The following LRP8 variants were observed in gnomAD, a reference collection of about 807,000 sequenced individuals.
LRP8 encodes the protein LDL receptor related protein 8.
In LRP8, 46 loss-of-function variants were observed where a neutral mutation model predicts 111.6. That is an observed-to-expected ratio of 0.41 (90% CI 0.33 to 0.53). LRP8 has a LOEUF of 0.53. Ranked by LOEUF, LRP8 falls within the 20% of genes least tolerant of loss-of-function variation. The pLI, the probability that LRP8 is intolerant of heterozygous loss-of-function variation, is 0.20. For missense variants in LRP8, 959 were observed against 1,297.4 expected, an observed-to-expected ratio of 0.74 and a Z score of 4.01; for synonymous variants, 464 against 511.2, an observed-to-expected ratio of 0.91 and a Z score of 1.24.
chr1:53,290,239 G>T (rs1288509), intron 2 of LRP8, among the ~76,000 whole-genome samples: 2 of 151,890 alleles, frequency 1.3e-5, no homozygotes, highest in African/African-American at 4.8e-5. Context: ...CCTGCCCCCC[G>T]GTGCCTACAG....
Position 53,326,999 on chromosome 1 carries a change from G to C in LRP8, c.125-7C>G, listed in dbSNP as rs778392321. The C allele has an allele frequency of 6.2e-7, 1 of 1,611,620 alleles. No individual in the cohort carries two copies. Among genetic ancestry groups the C allele is most frequent in the Non-Finnish European group, 8.5e-7 (1 of 1,179,578 alleles). ...TCGCAATCCTTGGCCGGCCCTGCGA[G>C]GGGGAGGGAGCGTGAGCTGGATCAG... On this transcript the variant is annotated splice_polypyrimidine_tract_variant and splice_region_variant and intron_variant, in intron 1 of 18. Transcript: ENST00000306052.
rs1645872471 is a variant in LRP8, at chr1:53,250,804, C to A, written c.2562G>T (p.Lys854Asn). 3 of 1,614,100 alleles carry A rather than the reference C, an allele frequency of 1.9e-6. No homozygotes were observed. The highest frequency in any genetic ancestry group is 2.5e-6 in the Non-Finnish European group (3 of 1,180,008). Reference protein sequence around the residue: ...GYLIWRNWKRKNTKSMNFDNP... With the variant: ...GYLIWRNWKRNNTKSMNFDNP... ...TGTCAAAATTCATGCTTTTGGTGTT[C>A]TTCCGCTTCCAGTTTCTCCAGATCA... is the stretch of plus-strand genomic sequence containing the variant. Residue 854 changes from lysine (K) to asparagine (N), a missense_variant, in exon 17 of 19, where the codon AAG becomes AAT. Physicochemically the swap from Lys to Asn is moderately conservative, Grantham distance 94. Coordinates refer to ENST00000306052, the MANE Select transcript of LRP8 (RefSeq NM_004631.5). This position sits in a 1 kb window ranked among gnomAD's most constrained non-coding sequence, Gnocchi z 4.6.
rs1009307427 is a variant in LRP8, at chr1:53,243,502, A to G, written c.*3516T>C. 2.6e-5 allele frequency: 4 copies of G among 152,218 alleles called. No homozygotes were observed. Among genetic ancestry groups the G allele is most frequent in the African/African-American group, 7.2e-5 (3 of 41,452 alleles). The allele number at this position is 152,218 out of a possible 1,614,324, so 9.4% of individuals were successfully genotyped here. A position where few individuals can be genotyped will look rare whatever the true frequency, so the allele number is the denominator to read the frequency against. On this transcript the variant is annotated 3_prime_UTR_variant, in exon 19 of 19. Transcript: ENST00000306052. Reference sequence around the variant, plus strand: ...AAAGTGCTGGCAATGCATCCTAATGAATTTTCCATGATGCATGTAGTGCCT... The same window carrying G: ...AAAGTGCTGGCAATGCATCCTAATGGATTTTCCATGATGCATGTAGTGCCT...
chr1:53,281,030 T>G (rs1321168327), intron 3 of LRP8, among the ~76,000 whole-genome samples: 1 of 152,202 alleles, frequency 6.6e-6, no homozygotes, highest in Non-Finnish European at 1.5e-5. Flanking sequence ...ACCTCCACTT[T>G]AAGTTCTGGC....
intron 2 of LRP8, among the ~76,000 whole-genome samples, chr1:53,295,568 GC>G (rs1343328423): frequency 6.6e-6 from 1 of 152,248 alleles, no homozygotes; most frequent in Admixed American, 6.5e-5. Flanking sequence ...ATTTCGTGAG[GC>G]CATGCAAGAC....
intron 2 of LRP8, among the ~76,000 whole-genome samples, chr1:53,315,493 G>A (rs748557925): frequency 2.6e-5 from 4 of 152,236 alleles, no homozygotes; most frequent in Non-Finnish European, 5.9e-5. Context: ...TCCAGATGAG[G>A]CAGGTGCTCA....
At chr1:53,311,167 C>G (rs997437591) in intron 2 of LRP8, among the ~76,000 whole-genome samples, 2 of 152,152 alleles carry the variant, frequency 1.3e-5, no homozygotes, top group African/African-American at 4.8e-5. Context: ...CATCACAGCT[C>G]AGGGCCAGTC....
In LRP8 at chr1:53,246,885, T is replaced by A. The variant is rs915964582; in HGVS notation, c.*133A>T. ...TGGTTACCTTTCCGCAACATAAATT[T>A]AAAAAAAAAATCACACACACACATA... On this transcript the variant is annotated 3_prime_UTR_variant, in exon 19 of 19. Coordinates refer to ENST00000306052, the MANE Select transcript of LRP8 (RefSeq NM_004631.5). 8.3e-5 allele frequency: 59 copies of A among 707,974 alleles called. No individual in the cohort carries two copies. Among genetic ancestry groups the A allele is most frequent in the East Asian group, 4.7e-4 (14 of 29,982 alleles). The allele number at this position is 707,974 out of a possible 1,614,324, so 43.9% of individuals were successfully genotyped here. A position where few individuals can be genotyped will look rare whatever the true frequency, so the allele number is the denominator to read the frequency against.
chr1:53,302,715 G>A (rs1050056187), intron 2 of LRP8, among the ~76,000 whole-genome samples: 1 of 148,308 alleles, frequency 6.7e-6, no homozygotes, highest in Non-Finnish European at 1.5e-5. Context: ...TTTTTTTGGA[G>A]ACAGGGTTTC....
At chr1:53,285,690 T>C (rs1237385810) in intron 3 of LRP8, among the ~76,000 whole-genome samples, 2 of 152,208 alleles carry the variant, frequency 1.3e-5, no homozygotes, top group East Asian at 3.8e-4. Context: ...GGGACGTGCC[T>C]GTTGTCACCA....
At chr1:53,285,637 C>A (rs989848550) in intron 3 of LRP8, among the ~76,000 whole-genome samples, 3 of 152,342 alleles carry the variant, frequency 2.0e-5, no homozygotes, top group South Asian at 2.1e-4. Flanking sequence ...TCAGAAAACA[C>A]TTGCCCTTGT....
intron 6 of LRP8, chr1:53,274,783 C>T (rs1572508830): frequency 2.2e-6 from 1 of 456,344 alleles, no homozygotes; most frequent in South Asian, 1.5e-5. Flanking sequence ...GCTTGCCACT[C>T]TTACACTGAA....
At chr1:53,263,130 G>A (rs777933747) in intron 10 of LRP8, among the ~76,000 whole-genome samples, 15 of 152,218 alleles carry the variant, frequency 9.9e-5, no homozygotes, top group Non-Finnish European at 1.6e-4. Flanking sequence ...ATTGGGGTTG[G>A]GCTGGGTGTA....
At chr1:53,272,728 T>C (rs138032564) in intron 6 of LRP8, 56,491 of 1,241,692 alleles carry the variant, frequency 0.045, 1,463 homozygotes, top group Non-Finnish European at 0.052. Flanking sequence ...CCTCAGACCC[T>C]TGGAGGTGGG....
At position 53,279,011 on chromosome 1, in the gene LRP8, G is replaced by A. The variant is rs1461483286; in HGVS notation, c.496+1576C>T. Among the ~76,000 whole-genome samples the A allele has an allele frequency of 2.0e-5, 3 of 150,312 alleles. No individual in the cohort carries two copies. Among genetic ancestry groups the A allele is most frequent in the Non-Finnish European group, 4.4e-5 (3 of 67,766 alleles). ...CCTGACCTCGTGATCCTCCTGCCTC[G>A]GCCTCCCAAAGTGCTGGGATTACAG... On this transcript the variant is annotated intron_variant, in intron 4 of 18. Transcript: ENST00000306052. The surrounding 1 kb of genome is among the most constrained non-coding windows in gnomAD (Gnocchi z 4.4).
intron 18 of LRP8, among the ~76,000 whole-genome samples, chr1:53,247,506 C>T (rs1324178787): frequency 6.6e-6 from 1 of 152,188 alleles, no homozygotes; most frequent in African/African-American, 2.4e-5. Flanking sequence ...TAATATACTG[C>T]ACCTTCCCAA....
At chr1:53,259,025 C>T (rs1291136027) in intron 13 of LRP8, among the ~76,000 whole-genome samples, 2 of 152,228 alleles carry the variant, frequency 1.3e-5, no homozygotes, top group Non-Finnish European at 2.9e-5. Context: ...ATATATGCCA[C>T]ACTTTCTTTA....
chr1:53,269,342 G>T (rs942972630), intron 8 of LRP8, among the ~76,000 whole-genome samples: 4 of 151,230 alleles, frequency 2.6e-5, no homozygotes, highest in African/African-American at 9.7e-5. Flanking sequence ...TTTAGAAAAG[G>T]TCTCACTCTG....
At position 53,276,846 on chromosome 1, in the gene LRP8, C is replaced by T. The variant is rs1342020129; in HGVS notation, c.729G>A (p.Glu243=). 5.3e-6 allele frequency: 7 copies of T among 1,309,908 alleles called. No individual in the cohort carries two copies. Among genetic ancestry groups the T allele is most frequent in the Non-Finnish European group, 6.8e-6 (7 of 1,028,838 alleles). 81.1% of individuals were successfully genotyped at this position (1,309,908 alleles called of 1,614,324 possible). The change falls in exon 5 of 19, where the codon GAG becomes GAA. Residue 243 remains glutamate, a synonymous_variant. Coordinates refer to ENST00000306052, the MANE Select transcript of LRP8 (RefSeq NM_004631.5). ...CCCCGGGGCCCGGACGGCCGCAGAG[C>T]TCGGCTGCCTCGTCCGAGCGGTCCT... The part of the protein sequence containing the change: ...DCEDRSDEAA[E]LCGRPGPGAT...
Sources: gnomAD v4.1 joint callset for allele counts (sites outside exome capture counted in the v4.1 genomes callset) on GRCh38, gnomAD v4.1.1 for gene constraint, Gnocchi (gnomAD v3.1) non-coding constraint, MANE v1.5 for transcripts, NCBI Gene and HGNC (gene_info 2026-07-23, HGNC 2026-07-21) for gene names.